FAM177A1: variants seen among roughly 807,000 people sequenced by gnomAD.
FAM177A1 encodes family with sequence similarity 177 member A1, also known as protein FAM177A1.
FAM177A1 carries 22 observed loss-of-function variants against 26.1 expected under a neutral mutation model. The ratio of observed to expected loss-of-function variants is 0.84; its 90% confidence interval spans 0.60 to 1.20. FAM177A1 has a LOEUF of 1.20. FAM177A1 is among the 50% of genes most tolerant of loss of function. The pLI is 0.00. For missense variants in FAM177A1, 296 were observed against 291.1 expected (o/e 1.02, Z -0.12); for synonymous variants, 95 against 99.3 (o/e 0.96, Z 0.26).
intron 2 of FAM177A1, among the ~76,000 whole-genome samples, chr14:35,064,826 G>A (rs971633808): frequency 1.3e-5 from 2 of 151,892 alleles, no homozygotes; most frequent in Non-Finnish European, 1.5e-5. Flanking sequence ...TAATTTTTTT[G>A]TATTTTTAGT....
At chr14:35,078,858 C>G in intron 3 of FAM177A1, 69 bp from the exon 4 acceptor site, 2 of 1,100,264 alleles carry the variant, frequency 1.8e-6, no homozygotes, top group East Asian at 2.9e-5. Context: ...CCTACAGTGT[C>G]TTACACATAG....
chr14:35,047,059 C>T (rs2044879766), intron 1 of FAM177A1: 2 of 983,730 alleles, frequency 2.0e-6, no homozygotes, highest in Admixed American at 1.2e-4. Flanking sequence ...CTTTAATTCA[C>T]TGGATCCTTA....
At chr14:35,047,722 C>G (rs1329022374) in intron 1 of FAM177A1, among the ~76,000 whole-genome samples, 1 of 152,032 alleles carries the variant, frequency 6.6e-6, no homozygotes, top group Non-Finnish European at 1.5e-5. Flanking sequence ...GCACTCCAGG[C>G]TGGAGACAGA....
At chr14:35,068,087 A>C (rs2045266528) in intron 2 of FAM177A1, among the ~76,000 whole-genome samples, 1 of 152,172 alleles carries the variant, frequency 6.6e-6, no homozygotes, top group South Asian at 2.1e-4. Flanking sequence ...TCAAATCCAA[A>C]AAAGTATTGC....
intron 2 of FAM177A1, among the ~76,000 whole-genome samples, chr14:35,076,930 C>T (rs2045405482): frequency 6.6e-6 from 1 of 152,120 alleles, no homozygotes; most frequent in Non-Finnish European, 1.5e-5. Flanking sequence ...TTTGATTCTT[C>T]TATGGGCTTA....
intron 2 of FAM177A1, among the ~76,000 whole-genome samples, chr14:35,070,335 T>A (rs776636307): frequency 2.0e-5 from 3 of 149,672 alleles, no homozygotes; most frequent in Non-Finnish European, 4.5e-5. Context: ...ATAACAATAT[T>A]TTTTTTTTCT....
chr14:35,061,230 G>A (rs984745591), intron 2 of FAM177A1, among the ~76,000 whole-genome samples: 3 of 152,062 alleles, frequency 2.0e-5, no homozygotes, highest in African/African-American at 4.8e-5. Context: ...ACTTTTCTAG[G>A]TGTGTTGCAA....
intron 2 of FAM177A1, among the ~76,000 whole-genome samples, chr14:35,070,329 C>A (rs1385485672): frequency 6.7e-6 from 1 of 149,054 alleles, no homozygotes. Context: ...CGGCCTATAA[C>A]AATATTTTTT....
At chr14:35,058,893 A>T (rs946328444) in intron 2 of FAM177A1, among the ~76,000 whole-genome samples, 1 of 152,146 alleles carries the variant, frequency 6.6e-6, no homozygotes, top group Non-Finnish European at 1.5e-5. Flanking sequence ...AAAGGAAAAA[A>T]AAAGTCTGTT....
chr14:35,067,833 G>C (rs975322322), intron 2 of FAM177A1, among the ~76,000 whole-genome samples: 1 of 152,124 alleles, frequency 6.6e-6, no homozygotes, highest in African/African-American at 2.4e-5. Context: ...CTTCTCTTGA[G>C]AAGTATCTGT....
rs1486259865 is a variant in FAM177A1 at position 35,051,465 on chromosome 14, T to C, written c.166-1813T>C. Among the ~76,000 whole-genome samples the C allele has an allele frequency of 2.0e-5, 3 of 152,184 alleles. No homozygotes were observed. The East Asian group carries it at 5.8e-4, about 29-fold the overall frequency. The stretch of plus-strand genomic sequence containing the variant: ...TCTGGCTCTGTTGCCCAGGCTTGAG[T>C]GCAGTGGTGCGATCTCGGCTCACTG... On this transcript the variant is annotated intron_variant, in intron 1 of 4. Transcript: ENST00000280987.
intron 2 of FAM177A1, among the ~76,000 whole-genome samples, chr14:35,071,121 T>A (rs1362787976): frequency 6.6e-6 from 1 of 151,836 alleles, no homozygotes; most frequent in Non-Finnish European, 1.5e-5. Flanking sequence ...CTCAGCCTCC[T>A]GAGTAGCTGG....
At chr14:35,047,339 CTT>C (rs1288857564) in intron 1 of FAM177A1, among the ~76,000 whole-genome samples, 4 of 152,164 alleles carry the variant, frequency 2.6e-5, no homozygotes, top group Non-Finnish European at 1.5e-5. Flanking sequence ...TTTTCTAAGT[CTT>C]TTAAATCCTG....
chr14:35,068,503 A>AG (rs1388175116), intron 2 of FAM177A1, among the ~76,000 whole-genome samples: 1 of 152,176 alleles, frequency 6.6e-6, no homozygotes, highest in Admixed American at 6.6e-5. Flanking sequence ...AGGAAATTAG[A>AG]GGGCAGGGAA....
intron 1 of FAM177A1, among the ~76,000 whole-genome samples, chr14:35,049,775 A>G (rs1395532278): frequency 1.3e-5 from 2 of 151,932 alleles, no homozygotes; most frequent in African/African-American, 4.8e-5. Context: ...ACAGAGCAAG[A>G]CTCCTTTTCA....
chr14:35,065,879 A>T (rs963311352), intron 2 of FAM177A1, among the ~76,000 whole-genome samples: 1 of 151,606 alleles, frequency 6.6e-6, no homozygotes, highest in Non-Finnish European at 1.5e-5. Flanking sequence ...TTTAGTAGAG[A>T]CAGGATTTCA....
chr14:35,061,000 G>A (rs920764473), intron 2 of FAM177A1, among the ~76,000 whole-genome samples: 6 of 152,056 alleles, frequency 3.9e-5, no homozygotes, highest in African/African-American at 7.2e-5. Flanking sequence ...TGTGATAATT[G>A]TTCTATTATT....
intron 2 of FAM177A1, among the ~76,000 whole-genome samples, chr14:35,064,047 CAAAA>C (rs575915029): frequency 5.0e-5 from 4 of 79,344 alleles, no homozygotes; most frequent in Admixed American, 1.4e-4. Context: ...GACTCTGTCT[CAAAA>C]AAAAAAAAAA....
At chr14:35,073,411 C>T (rs1228239138) in intron 2 of FAM177A1, among the ~76,000 whole-genome samples, 3 of 152,120 alleles carry the variant, frequency 2.0e-5, no homozygotes, top group African/African-American at 7.2e-5. Context: ...CCATAGAGTA[C>T]TGTGTGTAAT....
Sources: allele counts gnomAD v4.1 joint callset (sites outside exome capture counted in the v4.1 genomes callset), GRCh38; gene constraint gnomAD v4.1.1; transcripts MANE v1.5; gene names NCBI Gene and HGNC (gene_info 2026-07-23, HGNC 2026-07-21).